Variants in PSMC6 observed in about 807,000 individuals in gnomAD.
The protein encoded by PSMC6 is 26S proteasome regulatory subunit 10B.
A neutral mutation model predicts 55.9 loss-of-function variants in PSMC6; 3 were observed. The observed-to-expected ratio is 0.05, with a 90% CI of 0.02 to 0.14. PSMC6 has a LOEUF of 0.14. Ranked by LOEUF, PSMC6 falls within the 10% of genes least tolerant of loss-of-function variation. The pLI is 1.00. For missense variants in PSMC6, 210 were observed against 478.7 expected (o/e 0.44, Z 5.24); for synonymous variants, 137 against 155.9 (o/e 0.88, Z 0.90).
chr14:52,712,685 C>T (rs2041786697), intron 6 of PSMC6, among the ~76,000 whole-genome samples: 1 of 151,852 alleles, frequency 6.6e-6, no homozygotes, highest in Admixed American at 6.6e-5. Context: ...TGCAGTGGTG[C>T]AGTCTCAGCT....
chr14:52,725,665 G>A (rs1273517740), intron 13 of PSMC6, among the ~76,000 whole-genome samples: 3 of 152,104 alleles, frequency 2.0e-5, no homozygotes, highest in African/African-American at 4.8e-5. Context: ...ATAGGCGTGC[G>A]CCACCACACC....
intron 13 of PSMC6, among the ~76,000 whole-genome samples, chr14:52,726,862 G>A (rs561156716): frequency 2.6e-5 from 4 of 152,004 alleles, no homozygotes; most frequent in African/African-American, 9.7e-5. Flanking sequence ...GGCTGGTCTC[G>A]AACTCCCGAC....
intron 7 of PSMC6, 64 bp downstream of exon 7, chr14:52,714,032 AGACAATTT>A: frequency 1.8e-6 from 2 of 1,109,546 alleles, no homozygotes; most frequent in Non-Finnish European, 2.6e-6. Context: ...AAAAAAAAAA[AGACAATTT>A]TTTTATTTTT....
In PSMC6 at chr14:52,728,203, T is replaced by G. The variant is rs1880497676; in HGVS notation, c.*586T>G. On this transcript the variant is annotated 3_prime_UTR_variant, in exon 14 of 14. Coordinates refer to ENST00000445930, the MANE Select transcript of PSMC6 (RefSeq NM_002806.5). ...CTCCTTTCAGAAAGTGTTTACATAT[T>G]CTTCATCTACTGTGATTAAGCTCAT... is the stretch of plus-strand genomic sequence containing the variant. 1 of 152,352 alleles carries G rather than the reference T, an allele frequency of 6.6e-6. No homozygotes were observed. Among genetic ancestry groups the G allele is most frequent in the Non-Finnish European group, 1.5e-5 (1 of 68,136 alleles). The allele number at this position is 152,352 out of a possible 1,614,324, so 9.4% of individuals were successfully genotyped here.
At chr14:52,717,841 G>A (rs1432671766) in intron 7 of PSMC6, among the ~76,000 whole-genome samples, 1 of 151,928 alleles carries the variant, frequency 6.6e-6, no homozygotes, top group East Asian at 1.9e-4. Context: ...AACACAGAGA[G>A]ACCCCGTCTC....
chr14:52,725,664 C>T (rs573306631), intron 13 of PSMC6, among the ~76,000 whole-genome samples: 24 of 152,278 alleles, frequency 1.6e-4, no homozygotes, highest in Admixed American at 5.2e-4. Flanking sequence ...TATAGGCGTG[C>T]GCCACCACAC....
At position 52,719,145 on chromosome 14, in the gene PSMC6, A is replaced by T. The variant is rs185011304; in HGVS notation, c.777+107A>T. 5 of 999,078 alleles carry T rather than the reference A, an allele frequency of 5.0e-6. No homozygotes were observed. In the African/African-American group the frequency reaches 8.3e-5, roughly 17 times the overall value. 61.9% of individuals were successfully genotyped at this position (999,078 alleles called of 1,614,324 possible). On this transcript the variant is annotated intron_variant, in intron 10 of 13. Coordinates refer to ENST00000445930, the MANE Select transcript of PSMC6 (RefSeq NM_002806.5). ...ATATATAGAACATTTTAAATGAAAT[A>T]TGAAATTTGAAAATATTGTCAGGAA...
intron 10 of PSMC6, among the ~76,000 whole-genome samples, chr14:52,720,367 C>CAAAAAAAAAAAAAAAAAAAAAA (rs71444775): frequency 2.4e-5 from 1 of 41,482 alleles, no homozygotes; most frequent in African/African-American, 8.9e-5. Context: ...AACTCTGTCT[C>CAAAAAAAAAAAAAAAAAAAAAA]AAAAAAAAAA....
intron 3 of PSMC6, 31 bp downstream of exon 3, chr14:52,708,553 A>C: frequency 5.6e-6 from 9 of 1,597,618 alleles, no homozygotes; most frequent in Non-Finnish European, 7.7e-6. Flanking sequence ...TTAATTAGTA[A>C]AGAAACAGTC....
intron 13 of PSMC6, 24 bp from the exon 14 acceptor site, chr14:52,727,475 G>A (rs1880468902): frequency 6.9e-7 from 1 of 1,449,260 alleles, no homozygotes; most frequent in African/African-American, 1.4e-5. Context: ...ATATATAGCA[G>A]TCATGTTGTT....
intron 9 of PSMC6, 193 bp from the exon 10 acceptor site, chr14:52,718,784 C>G: frequency 1.8e-6 from 1 of 569,410 alleles, no homozygotes; most frequent in Non-Finnish European, 3.1e-6. Context: ...GACTCCGTCT[C>G]AATAAATAAC....
chr14:52,710,052 C>G (rs988920709), intron 4 of PSMC6: 1 of 153,040 alleles, frequency 6.5e-6, no homozygotes, highest in Non-Finnish European at 1.5e-5. Context: ...AAATTTGAAG[C>G]TCTTTGTAAA....
chr14:52,719,656 C>A (rs1007311840), intron 10 of PSMC6, among the ~76,000 whole-genome samples: 2 of 152,100 alleles, frequency 1.3e-5, no homozygotes, highest in Non-Finnish European at 2.9e-5. Context: ...TTTGAAAAAT[C>A]TTTTTTCATA....
At chr14:52,714,516 C>T (rs2041808841) in intron 7 of PSMC6, among the ~76,000 whole-genome samples, 1 of 152,188 alleles carries the variant, frequency 6.6e-6, no homozygotes, top group African/African-American at 2.4e-5. Context: ...TTGTGGTTCA[C>T]AGACCCAGAG....
chr14:52,715,224 G>A (rs542989950), intron 7 of PSMC6, among the ~76,000 whole-genome samples: 21 of 151,974 alleles, frequency 1.4e-4, no homozygotes, highest in Non-Finnish European at 2.1e-4. Context: ...GTAATATTTT[G>A]TGTTCTTCAT....
intron 1 of PSMC6, among the ~76,000 whole-genome samples, chr14:52,707,740 T>A (rs1375786775): frequency 6.6e-6 from 1 of 152,166 alleles, no homozygotes; most frequent in Non-Finnish European, 1.5e-5. Flanking sequence ...AGAGAAGTGT[T>A]CCAGTTGTCA....
chr14:52,708,626 AT>A, intron 3 of PSMC6, 104 bp downstream of exon 3: 1 of 1,514,382 alleles, frequency 6.6e-7, no homozygotes, highest in Non-Finnish European at 9.0e-7. Flanking sequence ...GAGAGAGAGT[AT>A]TTTTGAATAG....
At chr14:52,725,383 C>T (rs1424187546) in intron 13 of PSMC6, among the ~76,000 whole-genome samples, 1 of 152,168 alleles carries the variant, frequency 6.6e-6, no homozygotes, top group Non-Finnish European at 1.5e-5. Context: ...ACATTCACAT[C>T]TGGAAACATA....
chr14:52,714,269 G>T (rs950135614), intron 7 of PSMC6, among the ~76,000 whole-genome samples: 1 of 152,116 alleles, frequency 6.6e-6, no homozygotes, highest in Admixed American at 6.6e-5. Flanking sequence ...CAAACTCCTG[G>T]ACTCAAGCGA....
Sources: gnomAD v4.1 joint callset for allele counts (sites outside exome capture counted in the v4.1 genomes callset) on GRCh38, gnomAD v4.1.1 for gene constraint, MANE v1.5 for transcripts, NCBI Gene and HGNC (gene_info 2026-07-23, HGNC 2026-07-21) for gene names.